Variants in FAM200B observed in about 807,000 individuals in gnomAD.
FAM200B encodes the protein zinc finger BED-type containing 11, also known as protein FAM200B.
In FAM200B, 32 loss-of-function variants were observed where a neutral mutation model predicts 33.1. The observed-to-expected ratio is 0.97, with a 90% CI of 0.73 to 1.30. The LOEUF is 1.30. Among genes scored for constraint, FAM200B ranks in the 50% most tolerant of loss-of-function variants. The pLI is 0.00. For synonymous variants in FAM200B, 240 were observed against 264.8 expected (o/e 0.91, Z 0.91); for missense variants, 741 against 754.0 (o/e 0.98, Z 0.20).
chr4:15,643,365 G>A, the FAM200B span, among the ~76,000 whole-genome samples: 50 of 152,298 alleles, frequency 3.3e-4, no homozygotes, highest in Non-Finnish European at 2.8e-4. Flanking sequence ...TTAAGCTTAC[G>A]CTTCACCAAG....
At chr4:15,647,100 G>A in the FAM200B span, among the ~76,000 whole-genome samples, 1 of 150,882 alleles carries the variant, frequency 6.6e-6, no homozygotes, top group Non-Finnish European at 1.5e-5. Flanking sequence ...GTGTGCACCT[G>A]TAGTCCCAGC....
At chr4:15,655,088 C>T in the FAM200B span, 1 of 795,052 alleles carries the variant, frequency 1.3e-6, no homozygotes, top group Non-Finnish European at 1.6e-6. Context: ...GGCGGCTACT[C>T]GCGCGGCGAC....
chr4:15,671,305 C>T, the FAM200B span, among the ~76,000 whole-genome samples: 2 of 152,040 alleles, frequency 1.3e-5, no homozygotes, highest in Admixed American at 1.3e-4. Flanking sequence ...TCAAATTGTT[C>T]CCTATAAGAA....
the FAM200B span, among the ~76,000 whole-genome samples, chr4:15,675,854 A>AT: frequency 1.3e-5 from 2 of 152,138 alleles, no homozygotes; most frequent in Non-Finnish European, 2.9e-5. Flanking sequence ...AAGTGCTGGG[A>AT]TTACAGGCAT....
the FAM200B span, among the ~76,000 whole-genome samples, chr4:15,645,450 C>A: frequency 6.6e-6 from 1 of 151,592 alleles, no homozygotes; most frequent in African/African-American, 2.4e-5. Context: ...TTTTTTGAGA[C>A]AGAGTCTTGC....
At chr4:15,678,021 G>C (rs1447622835), upstream of FAM200B, among the ~76,000 whole-genome samples, 1 of 152,104 alleles carries the variant, frequency 6.6e-6, no homozygotes, top group Non-Finnish European at 1.5e-5. Context: ...TCAGGGAATT[G>C]CTATTGGAAT....
chr4:15,643,057 G>A, the FAM200B span, among the ~76,000 whole-genome samples: 2 of 151,848 alleles, frequency 1.3e-5, no homozygotes, highest in East Asian at 3.9e-4. Context: ...GTATTCATGT[G>A]GCAATACATA....
chr4:15,680,851 T>A (rs928858062), upstream of FAM200B, among the ~76,000 whole-genome samples: 2 of 149,396 alleles, frequency 1.3e-5, no homozygotes, highest in Non-Finnish European at 3.0e-5. Flanking sequence ...AGGTAGAATT[T>A]AAAAAAAAAC....
At chr4:15,651,340 T>C in the FAM200B span, among the ~76,000 whole-genome samples, 1 of 152,240 alleles carries the variant, frequency 6.6e-6, no homozygotes, top group South Asian at 2.1e-4. Flanking sequence ...CAGGCTCTAC[T>C]AATTACTAAT....
the FAM200B span, among the ~76,000 whole-genome samples, chr4:15,648,772 G>A: frequency 6.6e-6 from 1 of 152,126 alleles, no homozygotes; most frequent in African/African-American, 2.4e-5. Flanking sequence ...AGATGAGTAC[G>A]TTCTGGGGAT....
the FAM200B span, among the ~76,000 whole-genome samples, chr4:15,641,816 C>A: frequency 6.6e-6 from 1 of 152,054 alleles, no homozygotes; most frequent in South Asian, 2.1e-4. Context: ...CACCTGAGGT[C>A]AGGAGTTCAA....
the FAM200B span, among the ~76,000 whole-genome samples, chr4:15,656,030 TC>T: frequency 6.6e-6 from 1 of 152,076 alleles, no homozygotes; most frequent in African/African-American, 2.4e-5. Context: ...TTCGGGAGAC[TC>T]AACGTGGGGG....
chr4:15,639,894 C>A, the FAM200B span, among the ~76,000 whole-genome samples: 1 of 152,162 alleles, frequency 6.6e-6, no homozygotes, highest in East Asian at 1.9e-4. Flanking sequence ...TACAGCTGAA[C>A]AGGTATTCCG....
the FAM200B span, among the ~76,000 whole-genome samples, chr4:15,666,256 A>G: frequency 6.6e-6 from 1 of 152,076 alleles, no homozygotes; most frequent in East Asian, 1.9e-4. Context: ...AAAATTAGCC[A>G]GGTATGGTGG....
At chr4:15,642,772 T>A in the FAM200B span, among the ~76,000 whole-genome samples, 1 of 152,218 alleles carries the variant, frequency 6.6e-6, no homozygotes, top group Non-Finnish European at 1.5e-5. Flanking sequence ...ATGAAATCCA[T>A]CTTTACCACC....
At position 15,686,246 on chromosome 4, in the gene FAM200B, CATT is replaced by C. The variant is rs1718838440; in HGVS notation, c.-731_-729del. 1 of 152,162 alleles carries C rather than the reference CATT, an allele frequency of 6.6e-6. No homozygotes were observed. Among genetic ancestry groups the C allele is most frequent in the Non-Finnish European group, 1.5e-5 (1 of 68,026 alleles). 9.4% of individuals were successfully genotyped at this position (152,162 alleles called of 1,614,324 possible). A position where few individuals can be genotyped will look rare whatever the true frequency, so the allele number is the denominator to read the frequency against. ...TGGTCTTATTCCCAGGTCAAGGATGCATTCCAGGAAAGTTCTATAAAAATATAC... is the reference window on the plus strand; with the variant it reads ...TGGTCTTATTCCCAGGTCAAGGATGCCCAGGAAAGTTCTATAAAAATATAC... On this transcript the variant is annotated 5_prime_UTR_variant, in exon 2 of 2. Transcript: ENST00000422728.
At chr4:15,682,575 AT>A (rs1351123893) in intron 1 of FAM200B, among the ~76,000 whole-genome samples, 1 of 152,174 alleles carries the variant, frequency 6.6e-6, no homozygotes, top group Non-Finnish European at 1.5e-5. Flanking sequence ...GTTTTACATA[AT>A]GTTTTTGAGA....
At chr4:15,672,277 G>GA in the FAM200B span, among the ~76,000 whole-genome samples, 1 of 152,166 alleles carries the variant, frequency 6.6e-6, no homozygotes, top group Non-Finnish European at 1.5e-5. Flanking sequence ...CTGTCTTGTG[G>GA]AAACAGCCAA....
chr4:15,646,459 T>C, the FAM200B span, among the ~76,000 whole-genome samples: 1 of 148,090 alleles, frequency 6.8e-6, no homozygotes, highest in East Asian at 1.9e-4. Context: ...TATCATTTTT[T>C]GGAAAAAAAA....
Sources: gnomAD v4.1 joint callset for allele counts (sites outside exome capture counted in the v4.1 genomes callset) on GRCh38, gnomAD v4.1.1 for gene constraint, MANE v1.5 for transcripts, NCBI Gene and HGNC (gene_info 2026-07-23, HGNC 2026-07-21) for gene names.